Variants in GRAMD1B observed in about 807,000 individuals in gnomAD.
GRAMD1B encodes the protein protein Aster-B.
In GRAMD1B, 37 loss-of-function variants were observed where a neutral mutation model predicts 99.7. The observed-to-expected ratio is 0.37, with a 90% confidence interval of 0.29 to 0.49. The LOEUF (loss-of-function observed/expected upper bound fraction) is 0.49. Ranked by LOEUF, GRAMD1B falls within the 20% of genes least tolerant of loss-of-function variation. The pLI is 0.98. For missense variants in GRAMD1B, 888 were observed against 1,009.2 expected (o/e 0.88, Z 1.63); for synonymous variants, 427 against 387.6 (o/e 1.10, Z -1.19).
chr11:123,397,210 C>T (rs943063730), intron 1 of GRAMD1B, among the ~76,000 whole-genome samples: 4 of 152,144 alleles, frequency 2.6e-5, no homozygotes, highest in Middle Eastern at 3.4e-3. Context: ...TCGAGACCAG[C>T]CTGGCCAACA....
chr11:123,569,270 G>A (rs1947787483), intron 2 of GRAMD1B, among the ~76,000 whole-genome samples: 1 of 152,116 alleles, frequency 6.6e-6, no homozygotes, highest in Non-Finnish European at 1.5e-5. Context: ...ACTTCAGGGG[G>A]TTATGACAAG....
In GRAMD1B at chr11:123,587,607, C is replaced by T. The variant is rs573194924; in HGVS notation, c.684+3275C>T. Among the ~76,000 whole-genome samples the T allele has an allele frequency of 1.8e-3, 267 of 152,288 alleles. 2 individuals carry two copies. The highest frequency in any genetic ancestry group is 3.0e-3 in the Non-Finnish European group (206 of 68,016). On this transcript the variant is annotated intron_variant, in intron 4 of 19. Coordinates refer to ENST00000635736, the MANE Select transcript of GRAMD1B (RefSeq NM_001387025.1). The surrounding 1 kb of genome is among the most constrained non-coding windows in gnomAD (Gnocchi z 4.2). ...TCCTTGGCCTCCTGGCGCATTCCTG[C>T]GGGCAGTCTTCTCCATGGCAGCCCC...
chr11:123,426,140 G>A (rs183157486), upstream of GRAMD1B, among the ~76,000 whole-genome samples: 59 of 152,322 alleles, frequency 3.9e-4, no homozygotes, highest in African/African-American at 1.2e-3. Context: ...TTAGGTGTAA[G>A]TGAATTGCTT....
intron 1 of GRAMD1B, among the ~76,000 whole-genome samples, chr11:123,391,657 T>C (rs1947285354): frequency 6.6e-6 from 1 of 152,186 alleles, no homozygotes; most frequent in African/African-American, 2.4e-5. Flanking sequence ...AGTTTCACCA[T>C]GTTGGTCAGG....
At chr11:123,496,513 A>G (rs771283014) in intron 2 of GRAMD1B, among the ~76,000 whole-genome samples, 1 of 151,800 alleles carries the variant, frequency 6.6e-6, no homozygotes, top group African/African-American at 2.4e-5. Flanking sequence ...TCTAGGTTTG[A>G]GAAGTTCTGA....
chr11:123,405,518 G>A (rs547088953), intron 1 of GRAMD1B, among the ~76,000 whole-genome samples: 21 of 152,314 alleles, frequency 1.4e-4, no homozygotes, highest in African/African-American at 4.1e-4. Flanking sequence ...AGGCTGCTGC[G>A]GATAACTTGG....
intron 2 of GRAMD1B, among the ~76,000 whole-genome samples, chr11:123,485,860 G>A (rs1937689142): frequency 6.6e-6 from 1 of 151,936 alleles, no homozygotes; most frequent in Admixed American, 6.6e-5. Flanking sequence ...GACTACAGGT[G>A]TGTGCCACCA....
intron 4 of GRAMD1B, among the ~76,000 whole-genome samples, chr11:123,593,040 T>C (rs919189383): frequency 6.6e-6 from 1 of 152,168 alleles, no homozygotes; most frequent in Non-Finnish European, 1.5e-5. Context: ...GAGACCAGCC[T>C]GGCCAATATG....
chr11:123,437,874 A>G (rs1949232558), intron 1 of GRAMD1B, among the ~76,000 whole-genome samples: 1 of 152,118 alleles, frequency 6.6e-6, no homozygotes, highest in South Asian at 2.1e-4. Context: ...GATTTTGTGC[A>G]TCTGAATGCT....
chr11:123,593,506 G>C (rs1053585908), intron 4 of GRAMD1B, among the ~76,000 whole-genome samples: 1 of 152,144 alleles, frequency 6.6e-6, no homozygotes, highest in African/African-American at 2.4e-5. Context: ...GATGGAGAGG[G>C]GAGTTGGATG....
At chr11:123,605,232 A>G in intron 9 of GRAMD1B, 90 bp from the exon 10 acceptor site, 4 of 882,614 alleles carry the variant, frequency 4.5e-6, no homozygotes, top group Non-Finnish European at 6.6e-6. Context: ...TCTCATAGAT[A>G]TGGATGGATA....
intron 3 of GRAMD1B, among the ~76,000 whole-genome samples, chr11:123,578,705 G>A (rs1479449429): frequency 6.6e-6 from 1 of 152,182 alleles, no homozygotes; most frequent in East Asian, 1.9e-4. Context: ...CTCTGGCTGG[G>A]AGTTTATTCC....
At chr11:123,509,985 C>T (rs950383709) in intron 2 of GRAMD1B, 19 of 152,158 alleles carry the variant, frequency 1.2e-4, no homozygotes, top group Non-Finnish European at 2.1e-4. Context: ...GGGTGTGAAC[C>T]GCCCGCTCCT....
chr11:123,433,870 T>A (rs915830842), intron 1 of GRAMD1B, among the ~76,000 whole-genome samples: 3 of 152,030 alleles, frequency 2.0e-5, no homozygotes, highest in Non-Finnish European at 4.4e-5. Flanking sequence ...TCCTTAAAAT[T>A]TGGCAGGATT....
At chr11:123,450,113 G>A (rs1373807391) in intron 1 of GRAMD1B, among the ~76,000 whole-genome samples, 1 of 152,136 alleles carries the variant, frequency 6.6e-6, no homozygotes, top group African/African-American at 2.4e-5. Flanking sequence ...CCAAAATGAG[G>A]TTCCAGAGAG....
At chr11:123,365,038 T>A (rs1946271843) in intron 1 of GRAMD1B, among the ~76,000 whole-genome samples, 1 of 152,206 alleles carries the variant, frequency 6.6e-6, no homozygotes. Flanking sequence ...GACTTATTGC[T>A]TACAGCGCTA....
chr11:123,457,015 G>A (rs1297495434), intron 1 of GRAMD1B, among the ~76,000 whole-genome samples: 2 of 150,938 alleles, frequency 1.3e-5, no homozygotes. Context: ...GGGAGGCTGA[G>A]ATGGGAGGAT....
At position 123,555,241 on chromosome 11, in the gene GRAMD1B, T is replaced by A. The variant is rs369517136; in HGVS notation, c.453-22126T>A. The stretch of plus-strand genomic sequence containing the variant: ...TAGCCTGAGTAGGAACAACGGAACT[T>A]ACCTTGAAGGGTTGTTTTGAGGGTT... On this transcript the variant is annotated intron_variant, in intron 2 of 19. Coordinates refer to ENST00000635736, the MANE Select transcript of GRAMD1B (RefSeq NM_001387025.1). 4.5e-4 allele frequency among the ~76,000 whole-genome samples: 68 copies of A among 152,340 alleles called. No individual in the cohort carries two copies. In the South Asian group the frequency reaches 0.013, roughly 30 times the overall value.
At chr11:123,400,956 A>G (rs1947639211) in intron 1 of GRAMD1B, among the ~76,000 whole-genome samples, 1 of 152,212 alleles carries the variant, frequency 6.6e-6, no homozygotes, top group Admixed American at 6.5e-5. Context: ...TATTGAACTA[A>G]TAAGGGAAGA....
Sources: allele counts gnomAD v4.1 joint callset (sites outside exome capture counted in the v4.1 genomes callset), GRCh38; gene constraint gnomAD v4.1.1; non-coding constraint Gnocchi (gnomAD v3.1); transcripts MANE v1.5; gene names NCBI Gene and HGNC (gene_info 2026-07-23, HGNC 2026-07-21).